The following EXOC4 variants were observed in gnomAD, a reference collection of about 807,000 sequenced individuals.
EXOC4 encodes SEC8-like 1.
EXOC4 carries 71 observed loss-of-function variants against 107.2 expected under a neutral mutation model. The observed-to-expected ratio is 0.66, with a 90% CI of 0.55 to 0.81. The LOEUF (loss-of-function observed/expected upper bound fraction) is 0.81, where lower values mean the gene tolerates loss of function less well. EXOC4 is among the 30% of genes least tolerant of loss of function. EXOC4 has a pLI of 0.00. For synonymous variants in EXOC4, 456 were observed against 441.2 expected, an observed-to-expected ratio of 1.03 and a Z score of -0.42; for missense variants, 1,108 against 1,189.6, an observed-to-expected ratio of 0.93 and a Z score of 1.01.
intron 7 of EXOC4, among the ~76,000 whole-genome samples, chr7:133,424,358 C>T (rs1476187120): frequency 2.0e-5 from 3 of 151,738 alleles, no homozygotes; most frequent in Admixed American, 6.6e-5. Context: ...ACTCCAGACG[C>T]GCCGCCTTTA....
chr7:133,861,601 C>G (rs1325957475), intron 11 of EXOC4, among the ~76,000 whole-genome samples: 1 of 152,050 alleles, frequency 6.6e-6, no homozygotes, highest in East Asian at 1.9e-4. Context: ...GTGGCGTGAT[C>G]TCGGCTCACT....
chr7:133,608,186 G>T (rs1351416620), intron 9 of EXOC4, among the ~76,000 whole-genome samples: 1 of 152,048 alleles, frequency 6.6e-6, no homozygotes, highest in Admixed American at 6.6e-5. Flanking sequence ...CTTATTTTTT[G>T]TTAGGTAAAT....
At chr7:133,337,440 A>G (rs1381917546) in intron 5 of EXOC4, among the ~76,000 whole-genome samples, 1 of 151,954 alleles carries the variant, frequency 6.6e-6, no homozygotes, top group Non-Finnish European at 1.5e-5. Context: ...TTTTTCCTAT[A>G]CAAAATTGGT....
chr7:133,796,121 C>T (rs889791857), intron 10 of EXOC4, among the ~76,000 whole-genome samples: 1 of 152,128 alleles, frequency 6.6e-6, no homozygotes, highest in Non-Finnish European at 1.5e-5. Flanking sequence ...TATAGACATT[C>T]AAGCCTTAAA....
chr7:133,681,170 A>T (rs1241569410), intron 10 of EXOC4, among the ~76,000 whole-genome samples: 3 of 152,174 alleles, frequency 2.0e-5, no homozygotes, highest in Non-Finnish European at 4.4e-5. Context: ...GATTGATGTT[A>T]ATTCAGTAAG....
chr7:133,402,948 G>A (rs1330041024), intron 7 of EXOC4, among the ~76,000 whole-genome samples: 2 of 141,346 alleles, frequency 1.4e-5, no homozygotes, highest in African/African-American at 5.4e-5. Context: ...GCAGTGGAAC[G>A]ATCTTGGCTC....
chr7:133,905,403 G>T (rs1585238027), intron 12 of EXOC4, among the ~76,000 whole-genome samples: 1 of 152,070 alleles, frequency 6.6e-6, no homozygotes, highest in Non-Finnish European at 1.5e-5. Flanking sequence ...CACACCCCTT[G>T]GGGCTTAAAG....
intron 13 of EXOC4, among the ~76,000 whole-genome samples, chr7:133,924,494 A>T (rs577727485): frequency 9.8e-5 from 15 of 152,326 alleles, no homozygotes; most frequent in African/African-American, 2.9e-4. Flanking sequence ...CTTCTGATTT[A>T]AAAAAGCTAG....
chr7:133,970,574 C>G (rs1327302679), intron 14 of EXOC4, among the ~76,000 whole-genome samples: 1 of 152,066 alleles, frequency 6.6e-6, no homozygotes, highest in Non-Finnish European at 1.5e-5. Context: ...CACAGTCCCT[C>G]ACGGCTTCCC....
chr7:133,593,072 ACTTTC>A (rs1367813264), intron 9 of EXOC4, among the ~76,000 whole-genome samples: 3 of 152,208 alleles, frequency 2.0e-5, no homozygotes, highest in Non-Finnish European at 4.4e-5. Flanking sequence ...TAAAGCTTAT[ACTTTC>A]AAAATTAGGC....
chr7:133,372,864 A>C (rs573022663), intron 6 of EXOC4, among the ~76,000 whole-genome samples: 1 of 152,342 alleles, frequency 6.6e-6, no homozygotes, highest in South Asian at 2.1e-4. Flanking sequence ...TTCTCCGGTA[A>C]GGACATTTGG....
chr7:133,805,927 C>T (rs769333321), intron 10 of EXOC4, among the ~76,000 whole-genome samples: 1 of 152,188 alleles, frequency 6.6e-6, no homozygotes, highest in Admixed American at 6.5e-5. Flanking sequence ...TATTCACCTG[C>T]GTCATCTCAT....
chr7:133,509,283 C>A (rs1799722257), intron 9 of EXOC4, among the ~76,000 whole-genome samples: 1 of 151,946 alleles, frequency 6.6e-6, no homozygotes, highest in Non-Finnish European at 1.5e-5. Context: ...AAAAAATTAG[C>A]CGGGCGTGGT....
intron 1 of EXOC4, among the ~76,000 whole-genome samples, chr7:133,255,255 C>G: frequency 6.6e-6 from 1 of 152,098 alleles, no homozygotes; most frequent in East Asian, 1.9e-4. Flanking sequence ...CGGCTCACTG[C>G]AACCTCCGCC....
At chr7:133,913,784 A>G (rs1399140636) in intron 12 of EXOC4, among the ~76,000 whole-genome samples, 1 of 152,186 alleles carries the variant, frequency 6.6e-6, no homozygotes, top group African/African-American at 2.4e-5. Flanking sequence ...CCTAGAGATA[A>G]TAATTTCAGA....
At chr7:133,388,279 C>A (rs1406186179) in intron 7 of EXOC4, among the ~76,000 whole-genome samples, 1 of 152,068 alleles carries the variant, frequency 6.6e-6, no homozygotes, top group South Asian at 2.1e-4. Context: ...TATTTTGAAA[C>A]AATCCTAGAA....
chr7:134,005,075 C>T lies in EXOC4; in HGVS notation c.2512C>T (p.Gln838Ter). Reference protein sequence around the residue: ...MSASLQQHKFQYIFEGLGHLI... With the variant: ...MSASLQQHKF ...CGCCAGCCTTCAGCAGCACAAGTTC[C>T]AGTATATCTTCGAAGGTCAGACCCT... Residue 838 changes from glutamine (Q) to a stop codon, truncating the protein, a stop_gained, in exon 16 of 18, where the codon CAG (glutamine) becomes TAG (stop). Coordinates refer to ENST00000253861, the MANE Select transcript of EXOC4 (RefSeq NM_021807.4). LOFTEE classifies it high-confidence loss of function. 6.2e-7 allele frequency: 1 copy of T among 1,612,984 alleles called. No individual in the cohort carries two copies. The highest frequency in any genetic ancestry group is 1.1e-5 in the South Asian group (1 of 91,000).
At chr7:133,845,089 T>G (rs1798097431) in intron 11 of EXOC4, among the ~76,000 whole-genome samples, 1 of 152,158 alleles carries the variant, frequency 6.6e-6, no homozygotes, top group African/African-American at 2.4e-5. Context: ...GCTTATGTGT[T>G]TTCTCTTTGT....
intron 7 of EXOC4, among the ~76,000 whole-genome samples, chr7:133,444,402 A>G (rs989820912): frequency 3.3e-5 from 5 of 152,172 alleles, no homozygotes; most frequent in Non-Finnish European, 7.4e-5. Context: ...TGACTTTGTA[A>G]CAGGTAACGT....
Sources: gnomAD v4.1 joint callset for allele counts (sites outside exome capture counted in the v4.1 genomes callset) on GRCh38, gnomAD v4.1.1 for gene constraint, MANE v1.5 for transcripts, NCBI Gene and HGNC (gene_info 2026-07-23, HGNC 2026-07-21) for gene names.